Variants in AFF1 observed in about 807,000 individuals in gnomAD.
AFF1 encodes ALF transcription elongation factor 1.
A neutral mutation model predicts 121.7 loss-of-function variants in AFF1; 48 were observed. That is an observed-to-expected ratio of 0.39 (90% CI 0.31 to 0.50). The LOEUF (loss-of-function observed/expected upper bound fraction) is 0.50. AFF1 is among the 20% of genes least tolerant of loss of function. The probability of loss-of-function intolerance (pLI) is 0.76; values close to 1 mark genes in which losing one functional copy is unlikely to be tolerated. For missense variants in AFF1, 1,523 were observed against 1,511.7 expected (o/e 1.01, Z -0.12); for synonymous variants, 613 against 563.0 (o/e 1.09, Z -1.26).
chr4:86,982,837 G>T (rs1253589896), intron 2 of AFF1, among the ~76,000 whole-genome samples: 1 of 100,994 alleles, frequency 9.9e-6, no homozygotes, highest in Non-Finnish European at 1.8e-5. Context: ...GACAGAGTAA[G>T]ACTCTGTCTC....
At chr4:87,047,902 A>G (rs1730884330) in intron 4 of AFF1, 2 of 381,284 alleles carry the variant, frequency 5.2e-6, no homozygotes, top group African/African-American at 2.1e-5. Context: ...AGATACACCT[A>G]TAGGATCCAA....
At position 87,111,265 on chromosome 4, in the gene AFF1, C is replaced by T. The variant is rs1325502933; in HGVS notation, c.1533+2950C>T. On this transcript the variant is annotated intron_variant, in intron 11 of 20. Transcript: ENST00000395146. ...ATCTCCTGACCTCGTGATCCGCCCG[C>T]CTCGGCCTCCCAAAGTGCTGGGATT... Among the ~76,000 whole-genome samples, 5 of 28,716 alleles carry T rather than the reference C, an allele frequency of 1.7e-4. 1 individual carries two copies. Among genetic ancestry groups the T allele is most frequent in the Non-Finnish European group, 4.4e-4 (5 of 11,238 alleles). The allele number at this position is 28,716 out of a possible 152,430, so 18.8% of individuals were successfully genotyped here.
intron 2 of AFF1, among the ~76,000 whole-genome samples, chr4:86,988,727 T>C (rs970753548): frequency 6.6e-6 from 1 of 152,196 alleles, no homozygotes; most frequent in African/African-American, 2.4e-5. Context: ...AGAGCCTATA[T>C]AACGAAGACA....
At chr4:87,085,913 A>G (rs1371521090) in intron 5 of AFF1, among the ~76,000 whole-genome samples, 3 of 151,828 alleles carry the variant, frequency 2.0e-5, no homozygotes, top group Admixed American at 6.6e-5. Context: ...TAATTTTTGT[A>G]TTTTTAGTAG....
intron 4 of AFF1, among the ~76,000 whole-genome samples, chr4:87,062,036 T>C (rs1490994823): frequency 2.0e-5 from 3 of 152,234 alleles, no homozygotes; most frequent in Middle Eastern, 3.2e-3. Context: ...TAATTAACTT[T>C]TTTCTTTTTA....
At chr4:87,034,122 A>T (rs889408313) in intron 2 of AFF1, among the ~76,000 whole-genome samples, 7 of 152,194 alleles carry the variant, frequency 4.6e-5, no homozygotes, top group African/African-American at 1.7e-4. Flanking sequence ...TGAGGAGCCG[A>T]TAGTTATAAC....
chr4:87,014,884 G>A (rs1443617802), intron 2 of AFF1, among the ~76,000 whole-genome samples: 1 of 152,066 alleles, frequency 6.6e-6, no homozygotes, highest in Non-Finnish European at 1.5e-5. Flanking sequence ...TCATTGTTTT[G>A]TACAAAACTA....
At chr4:87,066,819 G>T (rs1238702324) in intron 4 of AFF1, among the ~76,000 whole-genome samples, 1 of 152,182 alleles carries the variant, frequency 6.6e-6, no homozygotes, top group Non-Finnish European at 1.5e-5. Flanking sequence ...CTCAGCCTCT[G>T]CCCTGGCTCC....
chr4:87,045,183 TGACC>T (rs1307259669), intron 2 of AFF1, among the ~76,000 whole-genome samples: 13 of 152,176 alleles, frequency 8.5e-5, no homozygotes, highest in Admixed American at 5.9e-4. Flanking sequence ...CCGAAGGTAC[TGACC>T]GACAGCCTTA....
At chr4:87,096,110 T>C (rs1724810841) in intron 8 of AFF1, among the ~76,000 whole-genome samples, 1 of 152,194 alleles carries the variant, frequency 6.6e-6, no homozygotes, top group Non-Finnish European at 1.5e-5. Context: ...TTCCTTAATG[T>C]ACTTTGTGAA....
At chr4:87,000,934 A>G (rs1400497520) in intron 2 of AFF1, among the ~76,000 whole-genome samples, 1 of 152,126 alleles carries the variant, frequency 6.6e-6, no homozygotes, top group East Asian at 1.9e-4. Context: ...GTTGAATCAG[A>G]TTTATTTTAT....
At chr4:86,996,086 G>A (rs570164607) in intron 2 of AFF1, among the ~76,000 whole-genome samples, 92 of 151,392 alleles carry the variant, frequency 6.1e-4, no homozygotes, top group African/African-American at 2.0e-3. Flanking sequence ...CAGCCACCTC[G>A]TCTGGGAGGG....
At chr4:87,033,806 T>A (rs529142606) in intron 2 of AFF1, among the ~76,000 whole-genome samples, 8 of 152,308 alleles carry the variant, frequency 5.3e-5, no homozygotes, top group African/African-American at 9.6e-5. Context: ...TGTTTTTTTT[T>A]AAATGTTATT....
At chr4:87,041,477 A>G (rs997964614) in intron 2 of AFF1, among the ~76,000 whole-genome samples, 1 of 152,194 alleles carries the variant, frequency 6.6e-6, no homozygotes, top group Non-Finnish European at 1.5e-5. Flanking sequence ...GAAACTCTGT[A>G]GGTCTCTGTG....
intron 2 of AFF1, among the ~76,000 whole-genome samples, chr4:86,969,618 C>T (rs1326753673): frequency 1.3e-4 from 20 of 149,650 alleles, no homozygotes; most frequent in Admixed American, 6.7e-5. Flanking sequence ...TGGTGGCTCA[C>T]GCCTGTAATC....
intron 2 of AFF1, among the ~76,000 whole-genome samples, chr4:87,036,990 C>T (rs1252606639): frequency 6.6e-6 from 1 of 152,080 alleles, no homozygotes; most frequent in Non-Finnish European, 1.5e-5. Flanking sequence ...TGCCACCATG[C>T]CCAGCTAATT....
chr4:86,994,074 T>C (rs945223221), intron 2 of AFF1, among the ~76,000 whole-genome samples: 2 of 152,260 alleles, frequency 1.3e-5, no homozygotes, highest in Admixed American at 6.5e-5. Context: ...GAGCTGCTGC[T>C]CTGCAGCCTT....
chr4:87,126,047 C>T (rs1460707940), intron 13 of AFF1, 52 bp from the exon 14 acceptor site: 9 of 1,553,878 alleles, frequency 5.8e-6, no homozygotes, highest in African/African-American at 2.7e-5. Flanking sequence ...ACAACGAAGC[C>T]GCTTGATGTG....
Position 87,046,685 on chromosome 4 carries a change from T to A in AFF1, c.160-10T>A, listed in dbSNP as rs748355963. ...TTTTTTTTCATTCTCAAATTCTCCTTTTTTTTCAGACAGCAAAAGGTGATG... is the reference window on the plus strand; with the variant it reads ...TTTTTTTTCATTCTCAAATTCTCCTATTTTTTCAGACAGCAAAAGGTGATG... On this transcript the variant is annotated splice_polypyrimidine_tract_variant and intron_variant, in intron 3 of 20. Coordinates refer to ENST00000395146, the MANE Select transcript of AFF1 (RefSeq NM_001166693.3). 1 of 1,583,786 alleles carries A rather than the reference T, an allele frequency of 6.3e-7. No individual in the cohort carries two copies. The highest frequency in any genetic ancestry group is 8.6e-7 in the Non-Finnish European group (1 of 1,165,372).
Sources: gnomAD v4.1 joint callset for allele counts (sites outside exome capture counted in the v4.1 genomes callset) on GRCh38, gnomAD v4.1.1 for gene constraint, MANE v1.5 for transcripts, NCBI Gene and HGNC (gene_info 2026-07-23, HGNC 2026-07-21) for gene names.